Variants in CFAP44 observed in about 807,000 individuals in gnomAD.
The protein encoded by CFAP44 is cilia and flagella associated protein 44.
In CFAP44, 134 loss-of-function variants were observed where a neutral mutation model predicts 216.2. The ratio of observed to expected loss-of-function variants is 0.62; its 90% confidence interval spans 0.54 to 0.72. The LOEUF is 0.72. CFAP44 is among the 30% of genes least tolerant of loss of function. The pLI is 0.00. For missense variants in CFAP44, 2,035 were observed against 2,182.1 expected, an observed-to-expected ratio of 0.93 and a Z score of 1.34; for synonymous variants, 700 against 727.6, an observed-to-expected ratio of 0.96 and a Z score of 0.61.
intron 2 of CFAP44, among the ~76,000 whole-genome samples, chr3:113,433,001 T>A (rs905580367): frequency 6.6e-6 from 1 of 152,196 alleles, no homozygotes; most frequent in African/African-American, 2.4e-5. Context: ...CCAAGTGTCA[T>A]CCTAGGCATT....
At chr3:113,353,474 ACACAC>A (rs1436211220) in intron 22 of CFAP44, among the ~76,000 whole-genome samples, 8 of 151,848 alleles carry the variant, frequency 5.3e-5, no homozygotes, top group Non-Finnish European at 7.4e-5. Context: ...ACACACACAC[ACACAC>A]ACACACACAC....
At chr3:113,376,658 T>C (rs1478246040) in intron 17 of CFAP44, among the ~76,000 whole-genome samples, 1 of 152,198 alleles carries the variant, frequency 6.6e-6, no homozygotes, top group Non-Finnish European at 1.5e-5. Flanking sequence ...TCTGAGCTTA[T>C]CATCATTAGT....
chr3:113,390,085 T>C (rs964716500), intron 15 of CFAP44, among the ~76,000 whole-genome samples: 2 of 152,134 alleles, frequency 1.3e-5, no homozygotes, highest in Non-Finnish European at 2.9e-5. Flanking sequence ...TGAATATTGA[T>C]GCAAAACCTC....
chr3:113,382,486 G>C (rs1002952175), intron 15 of CFAP44, among the ~76,000 whole-genome samples: 1 of 152,136 alleles, frequency 6.6e-6, no homozygotes, highest in Non-Finnish European at 1.5e-5. Flanking sequence ...GAGAAAGTTG[G>C]CTGATTAGAG....
At chr3:113,347,332 C>G (rs1439433025) in intron 22 of CFAP44, among the ~76,000 whole-genome samples, 1 of 152,082 alleles carries the variant, frequency 6.6e-6, no homozygotes, top group Non-Finnish European at 1.5e-5. Flanking sequence ...AGTTGGTTGA[C>G]CCTGTAGCCA....
chr3:113,381,736 T>G (rs1237774318), intron 15 of CFAP44, among the ~76,000 whole-genome samples: 1 of 152,260 alleles, frequency 6.6e-6, no homozygotes, highest in Non-Finnish European at 1.5e-5. Flanking sequence ...TTCATTTGGT[T>G]ATTTCATTCT....
chr3:113,362,440 G>T (rs952360474), intron 21 of CFAP44, among the ~76,000 whole-genome samples: 2 of 152,108 alleles, frequency 1.3e-5, no homozygotes, highest in Admixed American at 1.3e-4. Flanking sequence ...ACCTCTTCTT[G>T]AAGCCGTATT....
rs1950229119 is a variant in CFAP44, at chr3:113,330,275, G to A, written c.4009C>T (p.Pro1337Ser). The A allele has an allele frequency of 6.5e-7, 1 of 1,537,264 alleles. No individual in the cohort carries two copies. Among genetic ancestry groups the A allele is most frequent in the Non-Finnish European group, 8.7e-7 (1 of 1,146,924 alleles). ...GCTTTTTCAAATTCCAAACACTTTG[G>A]TATATCTAGGCTGAATGTTGATGCC... ...SKASTFSLDI[P>S]KCLEFEKAEP... is the part of the protein sequence containing the mutation. The change falls in exon 26 of 35, where the codon CCA becomes TCA. Residue 1337 changes from proline (P) to serine (S), a missense_variant. This residue lies in a region of CFAP44 where 1,883 missense variants were observed against 2,023.7 expected (regional missense o/e 0.93). Transcript: ENST00000393845.
chr3:113,330,042 A>G (rs2107810906), intron 26 of CFAP44, 126 bp downstream of exon 26: 2 of 1,184,404 alleles, frequency 1.7e-6, no homozygotes, highest in African/African-American at 3.1e-5. Flanking sequence ...ACTGAGTGGT[A>G]AGCTGGTCAG....
intron 6 of CFAP44, among the ~76,000 whole-genome samples, chr3:113,413,389 C>T (rs1200184343): frequency 6.6e-6 from 1 of 152,018 alleles, no homozygotes; most frequent in African/African-American, 2.4e-5. Context: ...TCTCTTTTGT[C>T]AATTTTGGCT....
intron 9 of CFAP44, 121 bp from the exon 10 acceptor site, chr3:113,401,860 CA>C (rs1440367433): frequency 2.7e-6 from 3 of 1,105,970 alleles, no homozygotes; most frequent in Non-Finnish European, 3.7e-6. Flanking sequence ...TGAAAAGTAA[CA>C]ATGAACAAGT....
chr3:113,293,547 C>T (rs1178658726), intron 34 of CFAP44, among the ~76,000 whole-genome samples: 3 of 152,200 alleles, frequency 2.0e-5, no homozygotes, highest in Non-Finnish European at 4.4e-5. Context: ...TCTCCTGCCT[C>T]TAAGCTGTTT....
chr3:113,427,719 G>A (rs757748430), intron 2 of CFAP44: 57 of 175,356 alleles, frequency 3.3e-4, no homozygotes, highest in Non-Finnish European at 6.1e-4. Flanking sequence ...CTCTGAGTAT[G>A]CTGATTTCTC....
In CFAP44 at chr3:113,291,679, G is replaced by A. The variant is rs1027757696; in HGVS notation, c.5443C>T (p.Leu1815Phe). ...AAGGCCGAAATCCTTTCCGCCTGGA[G>A]TTGGATCAATTCAGTGACCTCCTCT... The part of the protein sequence containing the change: ...AREEVTELIQ[L>F]QAERISALKE... Residue 1815 changes from leucine to phenylalanine, a missense_variant, in exon 35 of 35, where the codon CTC becomes TTC. Around this residue, in one of 3 missense-constraint regions of CFAP44, gnomAD observed 1,883 missense variants for 2,023.7 expected, o/e 0.93. Coordinates refer to ENST00000393845, the MANE Select transcript of CFAP44 (RefSeq NM_001164496.2). 2 of 1,537,326 alleles carry A rather than the reference G, an allele frequency of 1.3e-6. No individual in the cohort carries two copies. Among genetic ancestry groups the A allele is most frequent in the Admixed American group, 3.9e-5 (2 of 50,998 alleles).
intron 2 of CFAP44, among the ~76,000 whole-genome samples, chr3:113,431,279 T>C (rs1935099952): frequency 6.6e-6 from 1 of 152,066 alleles, no homozygotes; most frequent in Admixed American, 6.6e-5. Context: ...CTAAGACATA[T>C]GATATGTGAA....
rs1950557987 is a variant in CFAP44, at chr3:113,363,228, G to A, written c.2851C>T (p.Gln951Ter). The change falls in exon 21 of 35, where the codon CAA (glutamine) becomes TAA (stop). Residue 951 changes from glutamine (Q) to a stop codon, truncating the protein, a stop_gained. Coordinates refer to ENST00000393845, the MANE Select transcript of CFAP44 (RefSeq NM_001164496.2). LOFTEE classifies it high-confidence loss of function. ...VGEIKARKRE[Q>*]IKALRSEFCN... Reference sequence around the variant, plus strand: ...AATTCACTCCTCAAAGCTTTGATTTGCTCTCTCTTCCGTGCCTTTATTTCT... The same window carrying A: ...AATTCACTCCTCAAAGCTTTGATTTACTCTCTCTTCCGTGCCTTTATTTCT... 1 of 1,613,062 alleles carries A rather than the reference G, an allele frequency of 6.2e-7. No individual in the cohort carries two copies. The highest frequency in any genetic ancestry group is 1.3e-5 in the African/African-American group (1 of 74,846).
At chr3:113,347,747 G>A (rs1950400151) in intron 22 of CFAP44, among the ~76,000 whole-genome samples, 1 of 152,144 alleles carries the variant, frequency 6.6e-6, no homozygotes, top group Non-Finnish European at 1.5e-5. Flanking sequence ...AGGACAAAAG[G>A]CGTCACTCTT....
intron 15 of CFAP44, among the ~76,000 whole-genome samples, chr3:113,386,753 G>C (rs1933663311): frequency 6.6e-6 from 1 of 152,166 alleles, no homozygotes; most frequent in Admixed American, 6.6e-5. Flanking sequence ...TCAGGTGAGT[G>C]ATGACAATAC....
intron 28 of CFAP44, among the ~76,000 whole-genome samples, chr3:113,325,060 T>G (rs55748551): frequency 0.19 from 28,229 of 151,930 alleles, 3,174 homozygotes; most frequent in East Asian, 0.41. Context: ...TCCCAGCACT[T>G]TGGGAGGCTG....
Sources: allele counts gnomAD v4.1 joint callset (sites outside exome capture counted in the v4.1 genomes callset), GRCh38; gene constraint gnomAD v4.1.1; regional missense constraint gnomAD v4.1.1; transcripts MANE v1.5; gene names NCBI Gene and HGNC (gene_info 2026-07-23, HGNC 2026-07-21).